NRDC: variants seen among roughly 807,000 people sequenced by gnomAD.
The protein encoded by NRDC is nardilysin.
Under a neutral mutation model 147.1 loss-of-function variants are expected in NRDC, and 54 were observed. The ratio of observed to expected loss-of-function variants is 0.37; its 90% CI spans 0.29 to 0.46. The LOEUF is 0.46. Among genes scored for constraint, NRDC ranks in the 20% least tolerant of loss-of-function variants. The pLI is 1.00. For missense variants in NRDC, 1,082 were observed against 1,370.6 expected, an observed-to-expected ratio of 0.79 and a Z score of 3.33; for synonymous variants, 440 against 482.1, an observed-to-expected ratio of 0.91 and a Z score of 1.14.
At chr1:51,813,921 G>A (rs1679839713) in intron 14 of NRDC, 114 bp downstream of exon 14, 1 of 730,632 alleles carries the variant, frequency 1.4e-6, no homozygotes, top group Non-Finnish European at 2.4e-6. Context: ...AGACTCACAT[G>A]ACACAGAATG....
In NRDC at chr1:51,839,069, A is replaced by T. The variant is rs527464866; in HGVS notation, c.630+1157T>A. ...GTACAATCTTTCTTTTTAAAAAATA[A>T]TTTTTTCCAAGAAGAATAACTATTA... On this transcript the variant is annotated intron_variant, in intron 2 of 30. Transcript: ENST00000352171. Among the ~76,000 whole-genome samples the T allele has an allele frequency of 7.2e-5, 11 of 152,088 alleles. No individual in the cohort carries two copies. In the South Asian group the frequency reaches 2.3e-3, roughly 32 times the overall value.
intron 1 of NRDC, among the ~76,000 whole-genome samples, chr1:51,840,813 G>A (rs892020365): frequency 6.6e-6 from 1 of 152,116 alleles, no homozygotes; most frequent in Non-Finnish European, 1.5e-5. Flanking sequence ...CATTTTAGTA[G>A]CTAAAGATAT....
intron 22 of NRDC, chr1:51,795,059 G>A: frequency 6.8e-7 from 1 of 1,466,286 alleles, no homozygotes; most frequent in Non-Finnish European, 9.1e-7. Context: ...GCTCTTAACT[G>A]TTCTGGCTCT....
intron 29 of NRDC, 66 bp from the exon 30 acceptor site, chr1:51,789,723 A>C: frequency 9.0e-7 from 1 of 1,115,048 alleles, no homozygotes; most frequent in Non-Finnish European, 1.4e-6. Context: ...CCTAACCCCC[A>C]GGCAGATGTC....
intron 17 of NRDC, among the ~76,000 whole-genome samples, 174 bp from the exon 18 acceptor site, chr1:51,807,087 TTAAAG>T (rs1557903608): frequency 6.6e-6 from 1 of 152,224 alleles, no homozygotes; most frequent in Non-Finnish European, 1.5e-5. Flanking sequence ...TATGTTGGTC[TTAAAG>T]TAAATAAATT....
Position 51,789,254 on chromosome 1 carries a change from G to T in NRDC, c.3438C>A (p.Tyr1146Ter). 1 of 1,614,040 alleles carries T rather than the reference G, an allele frequency of 6.2e-7. No individual in the cohort carries two copies. The highest frequency in any genetic ancestry group is 8.5e-7 in the Non-Finnish European group (1 of 1,179,906). The part of the protein sequence containing the change: ...AFTTTLNLLP[Y>*]HKIVK ...AGTTTATTTATTTGACTATTTTATG[G>T]TAGGGGAGAAGGTTGAGTGTTGTTG... Residue 1146 changes from tyrosine to a stop codon, truncating the protein, a stop_gained, in exon 31 of 31, where the codon TAC becomes TAA. Coordinates refer to ENST00000352171, the MANE Select transcript of NRDC (RefSeq NM_001101662.2). LOFTEE classifies it high-confidence loss of function.
At chr1:51,800,717 A>G (rs753825732) in intron 20 of NRDC, 34 bp from the exon 21 acceptor site, 1 of 1,607,144 alleles carries the variant, frequency 6.2e-7, no homozygotes, top group Non-Finnish European at 8.5e-7. Context: ...TTTAAGAAGC[A>G]TGGAAATCCA....
At chr1:51,798,452 T>C (rs1406262395) in intron 21 of NRDC, 41 bp from the exon 22 acceptor site, 4 of 1,509,908 alleles carry the variant, frequency 2.6e-6, no homozygotes, top group African/African-American at 2.8e-5. Flanking sequence ...AGTTTTGTTA[T>C]TAGAAATGAA....
At chr1:51,865,916 G>C (rs1282219642) in intron 1 of NRDC, among the ~76,000 whole-genome samples, 1 of 151,740 alleles carries the variant, frequency 6.6e-6, no homozygotes, top group Non-Finnish European at 1.5e-5. Flanking sequence ...AAAATTAGCT[G>C]GGCATGGTGG....
rs780932978 is a variant in NRDC at position 51,791,676 on chromosome 1, GAA to G, written c.2877-17_2877-16del. 3 of 1,601,074 alleles carry G rather than the reference GAA, an allele frequency of 1.9e-6. No homozygotes were observed. Among genetic ancestry groups the G allele is most frequent in the East Asian group, 2.2e-5 (1 of 44,814 alleles). ...AGACATGGTACCTACAAGCCAGAGA[GAA>G]AAGTTATATGAGCTCAGGTGATCAT... On this transcript the variant is annotated splice_polypyrimidine_tract_variant and intron_variant, in intron 26 of 30. Coordinates refer to ENST00000352171, the MANE Select transcript of NRDC (RefSeq NM_001101662.2).
intron 13 of NRDC, 38 bp from the exon 14 acceptor site, chr1:51,814,127 A>T: frequency 7.4e-7 from 1 of 1,357,650 alleles, no homozygotes; most frequent in Non-Finnish European, 1.1e-6. Context: ...GATACATTAA[A>T]ATTTCTGCCT....
intron 1 of NRDC, among the ~76,000 whole-genome samples, chr1:51,876,607 G>T (rs944271117): frequency 6.6e-6 from 1 of 152,148 alleles, no homozygotes; most frequent in Non-Finnish European, 1.5e-5. Context: ...TTGGATTAGG[G>T]ATACTCAACC....
At chr1:51,791,757 C>G (rs1008427717) in intron 26 of NRDC, 96 bp from the exon 27 acceptor site, 1 of 1,013,572 alleles carries the variant, frequency 9.9e-7, no homozygotes, top group African/African-American at 1.6e-5. Context: ...TTCTGCCCAT[C>G]CTTATTGGAA....
intron 14 of NRDC, 129 bp from the exon 15 acceptor site, chr1:51,812,227 A>G (rs1679756957): frequency 3.3e-6 from 2 of 612,112 alleles, no homozygotes; most frequent in African/African-American, 1.9e-5. Context: ...ATACAACGAG[A>G]TATAATTGCA....
At chr1:51,821,617 G>T (rs1368940557) in intron 7 of NRDC, 62 bp from the exon 8 acceptor site, 2 of 1,125,988 alleles carry the variant, frequency 1.8e-6, no homozygotes, top group Non-Finnish European at 2.7e-6. Context: ...AGGTAGAAAT[G>T]CAATTAGATT....
chr1:51,872,083 T>C (rs1309642429), intron 1 of NRDC, among the ~76,000 whole-genome samples: 2 of 152,100 alleles, frequency 1.3e-5, no homozygotes, highest in Non-Finnish European at 2.9e-5. Context: ...GTTGGCCAGG[T>C]AGGTCTCCAA....
At chr1:51,848,725 C>T (rs943062456) in intron 1 of NRDC, among the ~76,000 whole-genome samples, 1 of 152,070 alleles carries the variant, frequency 6.6e-6, no homozygotes, top group Non-Finnish European at 1.5e-5. Flanking sequence ...CTATAAAATG[C>T]ATAAATATAC....
intron 1 of NRDC, among the ~76,000 whole-genome samples, chr1:51,874,403 G>C (rs1683227632): frequency 6.6e-6 from 1 of 152,092 alleles, no homozygotes; most frequent in African/African-American, 2.4e-5. Context: ...GATCATCTGA[G>C]GTCAGGAGTT....
chr1:51,872,320 C>G (rs1338253487), intron 1 of NRDC, among the ~76,000 whole-genome samples: 1 of 152,054 alleles, frequency 6.6e-6, no homozygotes, highest in Admixed American at 6.6e-5. Context: ...ATCTTATTTT[C>G]CTAAAACACA....
Sources: gnomAD v4.1 joint callset for allele counts (sites outside exome capture counted in the v4.1 genomes callset) on GRCh38, gnomAD v4.1.1 for gene constraint, MANE v1.5 for transcripts, NCBI Gene and HGNC (gene_info 2026-07-23, HGNC 2026-07-21) for gene names.